ATG13: variants seen among roughly 807,000 people sequenced by gnomAD.
ATG13 encodes the protein autophagy related 13.
Under a neutral mutation model 65.5 loss-of-function variants are expected in ATG13, and 23 were observed. The ratio of observed to expected loss-of-function variants is 0.35; its 90% CI spans 0.25 to 0.50. ATG13 has a LOEUF of 0.50. Ranked by LOEUF, ATG13 falls within the 20% of genes least tolerant of loss-of-function variation. The probability of loss-of-function intolerance (pLI) is 0.98; values close to 1 mark genes in which losing one functional copy is unlikely to be tolerated. For synonymous variants in ATG13, 252 were observed against 245.2 expected (o/e 1.03, Z -0.26); for missense variants, 566 against 677.0 (o/e 0.84, Z 1.82).
intron 7 of ATG13, among the ~76,000 whole-genome samples, chr11:46,651,197 G>A (rs1337272351): frequency 6.6e-5 from 10 of 152,116 alleles, no homozygotes; most frequent in African/African-American, 2.4e-4. Flanking sequence ...TTTGATACAT[G>A]TATAATTACT....
intron 1 of ATG13, among the ~76,000 whole-genome samples, chr11:46,619,634 C>T (rs1292662249): frequency 4.6e-5 from 7 of 151,762 alleles, no homozygotes; most frequent in Admixed American, 2.0e-4. Flanking sequence ...GTTATCCACC[C>T]GCCTTGGCCT....
Position 46,657,615 on chromosome 11 carries a change from A to T in ATG13, c.688A>T (p.Asn230Tyr). 1 of 1,600,084 alleles carries T rather than the reference A, an allele frequency of 6.2e-7. No individual in the cohort carries two copies. The highest frequency in any genetic ancestry group is 8.5e-7 in the Non-Finnish European group (1 of 1,173,086). The change falls in exon 10 of 19, where the codon AAT becomes TAT. Residue 230 changes from asparagine to tyrosine, a missense_variant. This residue lies in a region of ATG13 where 387 missense variants were observed against 409.8 expected (regional missense o/e 0.94). Coordinates refer to ENST00000683050, the MANE Select transcript of ATG13 (RefSeq NM_001346311.2). Reference sequence around the variant, plus strand: ...CAGCTCCTCTCCCATGCACCCCTGCAATTACAGGTGAGGAATGTGAAAAGG... The same window carrying T: ...CAGCTCCTCTCCCATGCACCCCTGCTATTACAGGTGAGGAATGTGAAAAGG... The part of the protein sequence containing the change: ...YPSSSPMHPC[N>Y]YRTAGEDTGV...
chr11:46,656,547 T>C, intron 8 of ATG13: 1 of 326,420 alleles, frequency 3.1e-6, no homozygotes. Context: ...GGATGTTAAA[T>C]GTTTCTGATG....
chr11:46,634,724 C>T (rs531449158), intron 2 of ATG13, among the ~76,000 whole-genome samples: 2 of 150,110 alleles, frequency 1.3e-5, no homozygotes, highest in East Asian at 2.0e-4. Context: ...TTTTTTGAGA[C>T]GGAGTCTTGC....
At chr11:46,630,897 A>G (rs1372864529) in intron 2 of ATG13, 1 of 151,870 alleles carries the variant, frequency 6.6e-6, no homozygotes, top group Non-Finnish European at 1.5e-5. Context: ...TTTTTTGTAG[A>G]GACAGAATCT....
At position 46,668,592 on chromosome 11, in the gene ATG13, A is replaced by G. The variant is rs762899486; in HGVS notation, c.1329+16A>G. ...CGATCCAATGGTGAGCCCACCGTTG[A>G]CTACGAGTTCCCAGTAGATGGTGCG... On this transcript the variant is annotated intron_variant, in intron 16 of 18. Transcript: ENST00000683050. 2 of 1,610,912 alleles carry G rather than the reference A, an allele frequency of 1.2e-6. No homozygotes were observed. Among genetic ancestry groups the G allele is most frequent in the South Asian group, 1.1e-5 (1 of 91,044 alleles).
At chr11:46,618,279 A>G (rs1460824728) in intron 1 of ATG13, 1 of 164,764 alleles carries the variant, frequency 6.1e-6, no homozygotes, top group African/African-American at 2.4e-5. Flanking sequence ...ACTGTTGACT[A>G]GTGAAAAAAG....
intron 18 of ATG13, among the ~76,000 whole-genome samples, chr11:46,671,964 A>C (rs563334010): frequency 6.6e-6 from 1 of 152,300 alleles, no homozygotes; most frequent in Non-Finnish European, 1.5e-5. Flanking sequence ...GGGATATTTC[A>C]TGTTTAATTT....
In ATG13 at chr11:46,669,459, G is replaced by A. The variant is rs769891260; in HGVS notation, c.1502G>A (p.Arg501Gln). 3.0e-5 allele frequency: 49 copies of A among 1,613,910 alleles called. No individual in the cohort carries two copies. The highest frequency in any genetic ancestry group is 3.7e-5 in the Non-Finnish European group (44 of 1,179,992). Residue 501 changes from arginine to glutamine, a missense_variant, in exon 18 of 19, where the codon CGG (arginine) becomes CAG (glutamine). Arg to Gln is a conservative substitution (Grantham distance 43). Coordinates refer to ENST00000683050, the MANE Select transcript of ATG13 (RefSeq NM_001346311.2). ...CCGATGGACCTGGGGACCTTCTATC[G>A]GGAGTTTCAGAACCCACCTCAGCTG... ...ILPMDLGTFY[R>Q]EFQNPPQLSS...
intron 8 of ATG13, chr11:46,656,502 AT>A (rs2060069925): frequency 1.0e-5 from 4 of 385,386 alleles, no homozygotes; most frequent in Non-Finnish European, 1.4e-5. Flanking sequence ...CTTACTCTTT[AT>A]AAAACTGTAT....
At chr11:46,638,792 T>C (rs1475568417) in intron 2 of ATG13, among the ~76,000 whole-genome samples, 3 of 152,064 alleles carry the variant, frequency 2.0e-5, no homozygotes, top group Non-Finnish European at 1.5e-5. Context: ...TTCCATGATA[T>C]ATATATTCCT....
chr11:46,661,728 G>A (rs1483430866), intron 11 of ATG13, among the ~76,000 whole-genome samples: 1 of 151,762 alleles, frequency 6.6e-6, no homozygotes, highest in Non-Finnish European at 1.5e-5. Context: ...CTGCTTGGAA[G>A]GCTGATCTGG....
intron 11 of ATG13, among the ~76,000 whole-genome samples, chr11:46,661,622 A>G (rs554489809): frequency 5.9e-5 from 9 of 151,592 alleles, no homozygotes; most frequent in South Asian, 2.1e-4. Context: ...GCCTGAGCCC[A>G]AGAGTTCAAG....
rs111269982 is a variant in ATG13, at chr11:46,657,922, A to G, written c.695+300A>G. Among the ~76,000 whole-genome samples, 1,250 of 152,318 alleles carry G rather than the reference A, an allele frequency of 8.2e-3. 30 individuals carry two copies. Among genetic ancestry groups the G allele is most frequent in the Middle Eastern group, 6.8e-3 (2 of 294 alleles). On this transcript the variant is annotated intron_variant, in intron 10 of 18. Coordinates refer to ENST00000683050, the MANE Select transcript of ATG13 (RefSeq NM_001346311.2). ...CATCTCTACTAAAAATACAAAAATT[A>G]GCTGGGCATGCCAGCACATGCCTAT...
chr11:46,644,147 A>G, intron 2 of ATG13, 132 bp from the exon 3 acceptor site: 2 of 584,944 alleles, frequency 3.4e-6, no homozygotes, highest in Non-Finnish European at 5.5e-6. Context: ...ATCTTTAGTT[A>G]AAGGAAATTT....
chr11:46,672,785 A>C lies in ATG13; in HGVS notation c.*453A>C. ...GGAGTCGCAGAAAGAGGAAGGAGAC[A>C]GTGCCAGGAGGAAGAAGGAAGGAGT... On this transcript the variant is annotated 3_prime_UTR_variant, in exon 19 of 19. Transcript: ENST00000683050. 1 of 1,343,352 alleles carries C rather than the reference A, an allele frequency of 7.4e-7. No homozygotes were observed. The highest frequency in any genetic ancestry group is 1.5e-5 in the African/African-American group (1 of 67,698). The allele number at this position is 1,343,352 out of a possible 1,614,324, so 83.2% of individuals were successfully genotyped here. A position where few individuals can be genotyped will look rare whatever the true frequency, so the allele number is the denominator to read the frequency against.
Position 46,667,823 on chromosome 11 carries a change from A to C in ATG13, c.1187A>C (p.His396Pro), listed in dbSNP as rs1288383087. The change falls in exon 15 of 19, where the codon CAC becomes CCC. Residue 396 changes from histidine to proline, a missense_variant. By Grantham distance (77) the His-to-Pro change is moderately conservative (BLOSUM62 -2). Coordinates refer to ENST00000683050, the MANE Select transcript of ATG13 (RefSeq NM_001346311.2). ...SNSSEGRASP[H>P]DVLETIFVRK... ...AGCAGTGAGGGACGGGCCTCCCCTC[A>C]CGATGTCTTGGAGACCATCTTTGTC... The C allele has an allele frequency of 6.2e-7, 1 of 1,612,372 alleles. No individual in the cohort carries two copies. Among genetic ancestry groups the C allele is most frequent in the African/African-American group, 1.3e-5 (1 of 74,912 alleles).
At chr11:46,657,691 TGGAA>T in intron 10 of ATG13, 69 bp downstream of exon 10, 1 of 1,365,416 alleles carries the variant, frequency 7.3e-7, no homozygotes, top group African/African-American at 1.5e-5. Flanking sequence ...CACAAGCACA[TGGAA>T]CACTTTTCTC....
chr11:46,639,588 A>G (rs1451890291), intron 2 of ATG13, among the ~76,000 whole-genome samples: 2 of 152,142 alleles, frequency 1.3e-5, no homozygotes, highest in Non-Finnish European at 2.9e-5. Flanking sequence ...CAGCAGAGAA[A>G]AGAGGTTTAA....
Sources: allele counts gnomAD v4.1 joint callset (sites outside exome capture counted in the v4.1 genomes callset), GRCh38; gene constraint gnomAD v4.1.1; regional missense constraint gnomAD v4.1.1; transcripts MANE v1.5; gene names NCBI Gene and HGNC (gene_info 2026-07-23, HGNC 2026-07-21).